The following ALPK3 variants were observed in gnomAD, a reference collection of about 807,000 sequenced individuals.
ALPK3 encodes the protein alpha-protein kinase 3.
ALPK3 carries 102 observed loss-of-function variants against 140.0 expected under a neutral mutation model. The ratio of observed to expected loss-of-function variants is 0.73; its 90% CI spans 0.62 to 0.86. ALPK3 has a LOEUF of 0.86. ALPK3 is among the 40% of genes least tolerant of loss of function. The pLI, the probability that ALPK3 is intolerant of heterozygous loss-of-function variation, is 0.00. For missense variants in ALPK3, 2,254 were observed against 2,208.2 expected (o/e 1.02, Z -0.42); for synonymous variants, 938 against 898.5 (o/e 1.04, Z -0.79).
chr15:84,850,140 G>A (rs1469567589), intron 5 of ALPK3, among the ~76,000 whole-genome samples: 1 of 150,874 alleles, frequency 6.6e-6, no homozygotes, highest in Non-Finnish European at 1.5e-5. Flanking sequence ...CAACTTAGAT[G>A]AAATAGAGCA....
intron 1 of ALPK3, among the ~76,000 whole-genome samples, chr15:84,820,299 G>C (rs1003110675): frequency 7.9e-5 from 12 of 152,292 alleles, no homozygotes; most frequent in African/African-American, 2.2e-4. Flanking sequence ...AAGCTCTGCT[G>C]TTCAGCATGG....
rs1896864 is a variant in ALPK3 at position 84,838,962 on chromosome 15, C to G, written c.305-18C>G. The G allele has an allele frequency of 1.2e-5, 20 of 1,609,900 alleles. No individual in the cohort carries two copies. In the African/African-American group the frequency reaches 1.3e-4, roughly 11 times the overall value. On this transcript the variant is annotated intron_variant, in intron 3 of 13. Coordinates refer to ENST00000258888, the MANE Select transcript of ALPK3 (RefSeq NM_020778.5). ...GGAACTGGCCTTGCTGTAACCCAGT[C>G]TCCTGCTTCTTTCTCAGGATACCCA...
chr15:84,867,781 T>C (rs1003877943), intron 13 of ALPK3, among the ~76,000 whole-genome samples: 1 of 152,122 alleles, frequency 6.6e-6, no homozygotes, highest in Non-Finnish European at 1.5e-5. Context: ...GACCACAGTT[T>C]TAAAACTGAG....
intron 3 of ALPK3, among the ~76,000 whole-genome samples, chr15:84,832,636 T>G (rs1403915474): frequency 6.6e-6 from 1 of 152,298 alleles, no homozygotes; most frequent in East Asian, 1.9e-4. Context: ...AACAAGATCG[T>G]GACATCTACA....
chr15:84,839,269 G>A (rs918752442), intron 4 of ALPK3, among the ~76,000 whole-genome samples, 172 bp downstream of exon 4: 4 of 152,224 alleles, frequency 2.6e-5, no homozygotes, highest in African/African-American at 9.6e-5. Flanking sequence ...TCTGCCTTCC[G>A]GTGTCTGGGA....
chr15:84,840,413 T>C lies in ALPK3; in HGVS notation c.1134T>C (p.Pro378=), dbSNP rs757145005. The C allele has an allele frequency of 6.2e-7, 1 of 1,613,850 alleles. No homozygotes were observed. Among genetic ancestry groups the C allele is most frequent in the Non-Finnish European group, 8.5e-7 (1 of 1,179,878 alleles). Residue 378 remains proline (P), a synonymous_variant, in exon 5 of 14, where the codon CCT becomes CCC. Coordinates refer to ENST00000258888, the MANE Select transcript of ALPK3 (RefSeq NM_020778.5). ...CCAGAGGCAGGGCTGCACGGGGGCC[T>C]GGGTCCTCTGGCACAGATAGTACCA... ...TQPRGRAARG[P]GSSGTDSTRK...
chr15:84,844,780 C>T (rs987549142), intron 5 of ALPK3, among the ~76,000 whole-genome samples: 4 of 152,098 alleles, frequency 2.6e-5, no homozygotes, highest in African/African-American at 9.7e-5. Flanking sequence ...TCGCTTGAAC[C>T]CGAGAGGTGG....
intron 1 of ALPK3, among the ~76,000 whole-genome samples, chr15:84,818,587 C>T (rs936798317): frequency 2.0e-5 from 3 of 152,188 alleles, no homozygotes; most frequent in Admixed American, 2.0e-4. Flanking sequence ...GTCCAGAGAC[C>T]TCTTGTTCTC....
chr15:84,859,746 G>A (rs758821183), intron 7 of ALPK3, 30 bp from the exon 8 acceptor site: 2 of 1,596,440 alleles, frequency 1.3e-6, no homozygotes, highest in East Asian at 2.2e-5. Context: ...CCATGCCATG[G>A]CCCTCACGAG....
At chr15:84,849,094 A>G (rs1050289656) in intron 5 of ALPK3, among the ~76,000 whole-genome samples, 11 of 152,066 alleles carry the variant, frequency 7.2e-5, no homozygotes, top group African/African-American at 2.7e-4. Context: ...TTGAGTCGAG[A>G]TCACGCCATT....
intron 5 of ALPK3, among the ~76,000 whole-genome samples, chr15:84,841,887 CTTA>C (rs1304345199): frequency 1.3e-5 from 2 of 152,098 alleles, no homozygotes; most frequent in Non-Finnish European, 2.9e-5. Flanking sequence ...GACAGTGTTT[CTTA>C]TGAGTGGCAG....
Position 84,857,603 on chromosome 15 carries a change from C to T in ALPK3, c.2865C>T (p.Gly955=). ...CAGGTCCCCGGAGCTGTGACCCTGG[C>T]CTCATAGATTCCCTGAAGAACTACC... ...RTPGPRSCDP[G]LIDSLKNYLL... Residue 955 remains glycine (G), a synonymous_variant, in exon 6 of 14, where the codon GGC becomes GGT. Coordinates refer to ENST00000258888, the MANE Select transcript of ALPK3 (RefSeq NM_020778.5). The T allele has an allele frequency of 6.3e-7, 1 of 1,575,124 alleles. No individual in the cohort carries two copies. The highest frequency in any genetic ancestry group is 8.6e-7 in the Non-Finnish European group (1 of 1,157,838).
chr15:84,826,733 G>A (rs1378825784), intron 2 of ALPK3, among the ~76,000 whole-genome samples: 1 of 152,152 alleles, frequency 6.6e-6, no homozygotes, highest in Non-Finnish European at 1.5e-5. Context: ...TCCGTTTGTG[G>A]TTTGGCACTC....
intron 5 of ALPK3, among the ~76,000 whole-genome samples, chr15:84,853,103 G>A (rs1596153841): frequency 1.3e-5 from 2 of 151,412 alleles, no homozygotes; most frequent in East Asian, 1.9e-4. Context: ...TTCTAGTTCC[G>A]TGAGTCTTGT....
intron 6 of ALPK3, 100 bp from the exon 7 acceptor site, chr15:84,859,143 C>T: frequency 6.6e-7 from 1 of 1,509,686 alleles, no homozygotes; most frequent in South Asian, 1.3e-5. Flanking sequence ...AGACTTGAAT[C>T]CTGTTTTCTC....
At chr15:84,863,416 T>G in intron 10 of ALPK3, 136 bp from the exon 11 acceptor site, 2 of 686,032 alleles carry the variant, frequency 2.9e-6, no homozygotes, top group Non-Finnish European at 4.9e-6. Flanking sequence ...CAGGGAGGAG[T>G]AAGCCCTTCC....
At chr15:84,831,435 TG>T (rs1963544453) in intron 3 of ALPK3, among the ~76,000 whole-genome samples, 1 of 152,216 alleles carries the variant, frequency 6.6e-6, no homozygotes, top group Non-Finnish European at 1.5e-5. Context: ...ATTTGTCTTT[TG>T]CTCTACTTTC....
At chr15:84,867,922 T>G (rs924569503) in intron 13 of ALPK3, among the ~76,000 whole-genome samples, 189 bp from the exon 14 acceptor site, 24 of 151,938 alleles carry the variant, frequency 1.6e-4, no homozygotes, top group Admixed American at 3.3e-4. Flanking sequence ...TCTATTTTTT[T>G]AAAAAGAAAA....
In ALPK3 at chr15:84,857,664, A is replaced by G. The variant is rs1874204001; in HGVS notation, c.2926A>G (p.Ser976Gly). Residue 976 changes from serine to glycine, a missense_variant, in exon 6 of 14, where the codon AGT becomes GGT. By Grantham distance (56) the Ser-to-Gly change is moderately conservative. Coordinates refer to ENST00000258888, the MANE Select transcript of ALPK3 (RefSeq NM_020778.5). ...LLLKLSSTETSGAGGESQVGA... is the reference protein window; with the variant it reads ...LLLKLSSTETGGAGGESQVGA... ...GCTGAAGCTGTCCAGCACAGAGACA[A>G]GTGGAGCAGGGGGAGAGTCCCAGGT... 6.2e-7 allele frequency: 1 copy of G among 1,604,502 alleles called. No individual in the cohort carries two copies. The highest frequency in any genetic ancestry group is 1.3e-5 in the African/African-American group (1 of 74,792).
Sources: gnomAD v4.1 joint callset for allele counts (sites outside exome capture counted in the v4.1 genomes callset) on GRCh38, gnomAD v4.1.1 for gene constraint, MANE v1.5 for transcripts, NCBI Gene and HGNC (gene_info 2026-07-23, HGNC 2026-07-21) for gene names.